The following ETNK2 variants were observed in gnomAD, a reference collection of about 807,000 sequenced individuals.
The protein encoded by ETNK2 is ethanolamine kinase 2.
A neutral mutation model predicts 46.2 loss-of-function variants in ETNK2; 33 were observed. That is an observed-to-expected ratio of 0.71 (90% CI 0.54 to 0.96). The LOEUF (loss-of-function observed/expected upper bound fraction) is 0.96. Among genes scored for constraint, ETNK2 ranks in the 40% least tolerant of loss-of-function variants. The pLI, the probability that ETNK2 is intolerant of heterozygous loss-of-function variation, is 0.00. For synonymous variants in ETNK2, 194 were observed against 209.0 expected, an observed-to-expected ratio of 0.93 and a Z score of 0.62; for missense variants, 445 against 509.7, an observed-to-expected ratio of 0.87 and a Z score of 1.22.
At chr1:204,133,536 T>TTTATTTTATTTA (rs1463073549) in intron 7 of ETNK2, among the ~76,000 whole-genome samples, 13 of 139,484 alleles carry the variant, frequency 9.3e-5, no homozygotes, top group Non-Finnish European at 2.0e-4. Context: ...TTTATTTTAT[T>TTTATTTTATTTA]TTTTTTTTTT....
intron 2 of ETNK2, 123 bp from the exon 3 acceptor site, chr1:204,146,887 G>T: frequency 8.1e-7 from 1 of 1,232,060 alleles, no homozygotes; most frequent in African/African-American, 1.5e-5. Context: ...GGCCAAGGAT[G>T]GGATGATTGC....
chr1:204,149,596 G>A lies in ETNK2; in HGVS notation c.518+107C>T, dbSNP rs914075020. On this transcript the variant is annotated intron_variant, in intron 2 of 7. Coordinates refer to ENST00000367202, the MANE Select transcript of ETNK2 (RefSeq NM_018208.4). Reference sequence around the variant, plus strand: ...ACATGCATTTTTCATGCAATTTCAGGGAACTCACAGATCTTACAACTCTCC... The same window carrying A: ...ACATGCATTTTTCATGCAATTTCAGAGAACTCACAGATCTTACAACTCTCC... The A allele has an allele frequency of 1.9e-4, 252 of 1,351,376 alleles. 1 individual carries two copies. The African/African-American group carries it at 3.3e-3, about 18-fold the overall frequency. 83.7% of individuals were successfully genotyped at this position (1,351,376 alleles called of 1,614,324 possible).
chr1:204,143,232 T>G (rs996900194), intron 3 of ETNK2, among the ~76,000 whole-genome samples: 1 of 152,028 alleles, frequency 6.6e-6, no homozygotes, highest in Non-Finnish European at 1.5e-5. Context: ...TTCCTTTTTT[T>G]TTTTTCTTGG....
chr1:204,146,665 A>G lies in ETNK2; in HGVS notation c.618T>C (p.Leu206=). The G allele has an allele frequency of 1.2e-6, 2 of 1,613,806 alleles. No individual in the cohort carries two copies. The highest frequency in any genetic ancestry group is 1.7e-6 in the Non-Finnish European group (2 of 1,179,850). The change falls in exon 3 of 8, where the codon CTT becomes CTC. Residue 206 remains leucine, a synonymous_variant. Transcript: ENST00000367202. ...LWHKMHNYFT[L]VKNEINPSLS... is the part of the protein sequence containing the mutation. ...ACCTGGGGTTGATCTCGTTCTTCAC[A>G]AGCGTGAAATAATTGTGCATCTTGT...
intron 2 of ETNK2, chr1:204,147,607 C>T (rs1361842274): frequency 3.8e-6 from 2 of 520,946 alleles, no homozygotes; most frequent in Non-Finnish European, 7.9e-6. Context: ...TTCCTTCCAA[C>T]ATACAGCCTC....
At chr1:204,140,596 C>T (rs1282026871) in intron 4 of ETNK2, among the ~76,000 whole-genome samples, 1 of 151,824 alleles carries the variant, frequency 6.6e-6, no homozygotes, top group African/African-American at 2.4e-5. Context: ...ATGATCTCGG[C>T]TCACTGCAAC....
chr1:204,146,855 C>G (rs751091921), intron 2 of ETNK2, 91 bp from the exon 3 acceptor site: 85 of 1,536,998 alleles, frequency 5.5e-5, no homozygotes, highest in Non-Finnish European at 7.1e-5. Context: ...ACCCTCCAGG[C>G]CCACCAGGGC....
At chr1:204,132,345 A>G in intron 7 of ETNK2, 89 bp from the exon 8 acceptor site, 2 of 894,070 alleles carry the variant, frequency 2.2e-6, no homozygotes, top group Non-Finnish European at 3.7e-6. Flanking sequence ...AAAGTTTTTC[A>G]GTGGCTCTAG....
At chr1:204,137,707 A>G (rs1657344516) in intron 5 of ETNK2, among the ~76,000 whole-genome samples, 1 of 152,194 alleles carries the variant, frequency 6.6e-6, no homozygotes, top group African/African-American at 2.4e-5. Context: ...CATTTATCAA[A>G]TGAGGGAGCT....
chr1:204,138,395 C>G (rs1260514927), intron 5 of ETNK2, among the ~76,000 whole-genome samples: 2 of 152,230 alleles, frequency 1.3e-5, no homozygotes. Flanking sequence ...GGATTTTGCT[C>G]TGTGCTGTGG....
intron 3 of ETNK2, among the ~76,000 whole-genome samples, chr1:204,146,197 A>C (rs955770345): frequency 3.3e-5 from 5 of 152,232 alleles, no homozygotes; most frequent in Admixed American, 3.3e-4. Flanking sequence ...GACTGATGCT[A>C]AACTCAGTCC....
rs35373627 is a variant in ETNK2, at chr1:204,136,403, GTATA to G, written c.1014+697_1014+700del. Among the ~76,000 whole-genome samples, 1,100 of 139,722 alleles carry G rather than the reference GTATA, an allele frequency of 7.9e-3. 15 individuals are homozygous for G. Among genetic ancestry groups the G allele is most frequent in the South Asian group, 0.042 (183 of 4,394 alleles). 91.7% of individuals were successfully genotyped at this position (139,722 alleles called of 152,430 possible). On this transcript the variant is annotated intron_variant, in intron 6 of 7. Transcript: ENST00000367202. ...AGAGCGGGACCCTGTCTCAAAAAAA[GTATA>G]TATATATATATATATATATATGCCG... is the stretch of plus-strand genomic sequence containing the variant.
rs1036161441 is a variant in ETNK2 at position 204,151,900 on chromosome 1, C to CG, written c.-49dup. On this transcript the variant is annotated 5_prime_UTR_variant, in exon 1 of 8. It removes the in-frame stop codon of an upstream open reading frame in the 5' UTR. Transcript: ENST00000367202. The surrounding 1 kb of genome is among the most constrained non-coding windows in gnomAD (Gnocchi z 8.0). The stretch of plus-strand genomic sequence containing the variant: ...GAGCCGCGGCAGACGCTAGCCCCGG[C>CG]GGGGGGGTCCGGCGAGGGAGTGGGA... 1.0e-4 allele frequency: 145 copies of CG among 1,402,598 alleles called. No homozygotes were observed. The highest frequency in any genetic ancestry group is 1.7e-4 in the Admixed American group (5 of 29,492). 86.9% of individuals were successfully genotyped at this position (1,402,598 alleles called of 1,614,324 possible). A position where few individuals can be genotyped will look rare whatever the true frequency, so the allele number is the denominator to read the frequency against.
intron 5 of ETNK2, among the ~76,000 whole-genome samples, chr1:204,139,303 G>A (rs1261505785): frequency 6.6e-6 from 1 of 152,214 alleles, no homozygotes; most frequent in Non-Finnish European, 1.5e-5. Context: ...GTATAAAGGA[G>A]CTTGGACAAA....
chr1:204,149,325 G>T (rs1657910799), intron 2 of ETNK2, among the ~76,000 whole-genome samples: 1 of 152,114 alleles, frequency 6.6e-6, no homozygotes, highest in African/African-American at 2.4e-5. Flanking sequence ...AGAGACAGAG[G>T]TAGAAAACCC....
Position 204,151,366 on chromosome 1 carries a change from T to G in ETNK2, c.258+229A>C, listed in dbSNP as rs1657998177. 1 of 623,238 alleles carries G rather than the reference T, an allele frequency of 1.6e-6. No individual in the cohort carries two copies. Among genetic ancestry groups the G allele is most frequent in the African/African-American group, 2.0e-5 (1 of 50,894 alleles). The allele number at this position is 623,238 out of a possible 1,614,324, so 38.6% of individuals were successfully genotyped here. On this transcript the variant is annotated intron_variant, in intron 1 of 7. Coordinates refer to ENST00000367202, the MANE Select transcript of ETNK2 (RefSeq NM_018208.4). This position sits in a 1 kb window ranked among gnomAD's most constrained non-coding sequence, Gnocchi z 8.0. ...ACAGTGGGCAGGTGGCCACCAGGCG[T>G]GCCTAAGAGCCCCGGGAGGAGGGGG...
At chr1:204,134,657 A>G in intron 6 of ETNK2, 69 bp from the exon 7 acceptor site, 1 of 1,613,862 alleles carries the variant, frequency 6.2e-7, no homozygotes. Context: ...ACAGCACTGG[A>G]GGGATGCAGT....
At position 204,134,529 on chromosome 1, in the gene ETNK2, G is replaced by T; in HGVS notation, c.1074C>A (p.Asp358Glu). 1 of 1,613,940 alleles carries T rather than the reference G, an allele frequency of 6.2e-7. No individual in the cohort carries two copies. The highest frequency in any genetic ancestry group is 8.5e-7 in the Non-Finnish European group (1 of 1,179,886). ...CCCACACTCACCTGAGGAAATCAAA[G>T]TCGATGGTGGAGTACTGGTTCTGGA... is the stretch of plus-strand genomic sequence containing the variant. ...ALIQNQYSTIDFDFLRYAVIR... is the reference protein window; with the variant it reads ...ALIQNQYSTIEFDFLRYAVIR... The change falls in exon 7 of 8, where the codon GAC becomes GAA. Residue 358 changes from aspartate to glutamate, a missense_variant. Transcript: ENST00000367202.
At chr1:204,147,960 C>T (rs1657857008) in intron 2 of ETNK2, among the ~76,000 whole-genome samples, 1 of 152,216 alleles carries the variant, frequency 6.6e-6, no homozygotes, top group South Asian at 2.1e-4. Flanking sequence ...GCCTTCCCTT[C>T]CCAAAGGAAG....
Sources: allele counts gnomAD v4.1 joint callset (sites outside exome capture counted in the v4.1 genomes callset), GRCh38; gene constraint gnomAD v4.1.1; non-coding constraint Gnocchi (gnomAD v3.1); transcripts MANE v1.5; gene names NCBI Gene and HGNC (gene_info 2026-07-23, HGNC 2026-07-21).